The following FAM227B variants were observed in gnomAD, a reference collection of about 807,000 sequenced individuals.
FAM227B encodes protein FAM227B.
FAM227B carries 88 observed loss-of-function variants against 73.8 expected under a neutral mutation model. The observed-to-expected ratio is 1.19, with a 90% CI of 1.00 to 1.42. FAM227B has a LOEUF of 1.42. Ranked by LOEUF, FAM227B falls within the 40% of genes most tolerant of loss-of-function variation. FAM227B has a pLI of 0.00. For synonymous variants in FAM227B, 210 were observed against 190.5 expected (o/e 1.10, Z -0.84); for missense variants, 632 against 590.9 (o/e 1.07, Z -0.72).
Position 49,328,454 on chromosome 15 carries a change from C to A in FAM227B, c.*114G>T, listed in dbSNP as rs1481158923. The A allele has an allele frequency of 6.8e-7, 1 of 1,470,532 alleles. No individual in the cohort carries two copies. The highest frequency in any genetic ancestry group is 9.0e-7 in the Non-Finnish European group (1 of 1,111,106). The allele number at this position is 1,470,532 out of a possible 1,614,324, so 91.1% of individuals were successfully genotyped here. On this transcript the variant is annotated 3_prime_UTR_variant, in exon 16 of 16. Transcript: ENST00000299338. ...GATTTTAAAGATGAATGGTAAAACA[C>A]ACTCTTAATACTGATTACATGGATT...
At chr15:49,451,771 G>A (rs1307405491) in intron 11 of FAM227B, among the ~76,000 whole-genome samples, 1 of 152,066 alleles carries the variant, frequency 6.6e-6, no homozygotes, top group Non-Finnish European at 1.5e-5. Flanking sequence ...AGAATCACTT[G>A]TTAAGTAAGT....
chr15:49,531,324 T>G (rs1157243547), intron 10 of FAM227B, among the ~76,000 whole-genome samples: 1 of 151,858 alleles, frequency 6.6e-6, no homozygotes, highest in Non-Finnish European at 1.5e-5. Context: ...ATTTGTGTAA[T>G]GTACTGGATG....
intron 11 of FAM227B, among the ~76,000 whole-genome samples, chr15:49,491,491 C>T (rs1190248312): frequency 6.6e-6 from 1 of 151,816 alleles, no homozygotes; most frequent in Non-Finnish European, 1.5e-5. Flanking sequence ...ATGATTTACA[C>T]AAGTTGCAAA....
intron 11 of FAM227B, among the ~76,000 whole-genome samples, chr15:49,378,140 G>A (rs897475359): frequency 6.6e-6 from 1 of 152,008 alleles, no homozygotes; most frequent in East Asian, 1.9e-4. Flanking sequence ...GTATGTTCTT[G>A]GCACTTTTGT....
At chr15:49,577,776 AT>A (rs1231311975) in intron 5 of FAM227B, 112 bp from the exon 6 acceptor site, 14 of 593,514 alleles carry the variant, frequency 2.4e-5, no homozygotes, top group Non-Finnish European at 8.7e-6. Flanking sequence ...ATATGTATAT[AT>A]ATCCTACAGA....
intron 11 of FAM227B, among the ~76,000 whole-genome samples, chr15:49,419,217 G>A (rs1033327033): frequency 1.3e-5 from 2 of 152,174 alleles, no homozygotes; most frequent in African/African-American, 2.4e-5. Context: ...GCTATGTGCG[G>A]TGGTGCTGTG....
chr15:49,576,804 C>G lies in FAM227B; in HGVS notation c.483G>C (p.Gln161His). The G allele has an allele frequency of 6.2e-7, 1 of 1,613,156 alleles. No individual in the cohort carries two copies. ...FTGFKANELT[Q>H]LPRHLDAEQI... Reference sequence around the variant, plus strand: ...GTTCAGCATCCAAATGTCTGGGTAGCTGAGTAAGTTCATTTGCTTTGAATC... The same window carrying G: ...GTTCAGCATCCAAATGTCTGGGTAGGTGAGTAAGTTCATTTGCTTTGAATC... The change falls in exon 7 of 16, where the codon CAG becomes CAC. Residue 161 changes from glutamine (Q) to histidine (H), a missense_variant. Transcript: ENST00000299338.
chr15:49,573,863 C>G (rs2075280116), intron 8 of FAM227B, among the ~76,000 whole-genome samples: 1 of 152,106 alleles, frequency 6.6e-6, no homozygotes, highest in Non-Finnish European at 1.5e-5. Context: ...ACCAACTATT[C>G]AAAGAAGGGG....
chr15:49,544,858 T>C (rs980204926), intron 9 of FAM227B, among the ~76,000 whole-genome samples: 1 of 152,220 alleles, frequency 6.6e-6, no homozygotes, highest in African/African-American at 2.4e-5. Flanking sequence ...TGAAACATAC[T>C]TGATCGTGGT....
At chr15:49,592,622 C>T (rs934873795) in intron 3 of FAM227B, among the ~76,000 whole-genome samples, 1 of 152,194 alleles carries the variant, frequency 6.6e-6, no homozygotes, top group African/African-American at 2.4e-5. Context: ...GAGGTGTCTC[C>T]CAGTTAGGCT....
At chr15:49,525,375 T>C (rs549564842) in intron 10 of FAM227B, among the ~76,000 whole-genome samples, 230 of 152,194 alleles carry the variant, frequency 1.5e-3, no homozygotes, top group African/African-American at 5.3e-3. Context: ...TCTGCCATGA[T>C]TGTGAGGCCT....
At chr15:49,599,982 T>C (rs1398659010) in intron 3 of FAM227B, among the ~76,000 whole-genome samples, 4 of 148,736 alleles carry the variant, frequency 2.7e-5, no homozygotes, top group Admixed American at 2.7e-4. Flanking sequence ...CTCCATATGA[T>C]CTATCCATTT....
At chr15:49,437,313 A>G (rs2051195736) in intron 11 of FAM227B, among the ~76,000 whole-genome samples, 1 of 151,692 alleles carries the variant, frequency 6.6e-6, no homozygotes, top group Non-Finnish European at 1.5e-5. Flanking sequence ...TAAAAGAAAC[A>G]GCAGAGAGTT....
intron 3 of FAM227B, among the ~76,000 whole-genome samples, chr15:49,592,649 T>A (rs914607472): frequency 8.5e-5 from 13 of 152,332 alleles, no homozygotes; most frequent in Admixed American, 8.5e-4. Context: ...TGGTCAGGGA[T>A]CCACTTGAGG....
At chr15:49,534,618 C>G (rs1001843462) in intron 10 of FAM227B, among the ~76,000 whole-genome samples, 1 of 151,810 alleles carries the variant, frequency 6.6e-6, no homozygotes, top group Admixed American at 6.6e-5. Flanking sequence ...CAGACATATA[C>G]AGACTATTCC....
At chr15:49,519,764 A>G (rs926487515) in intron 10 of FAM227B, among the ~76,000 whole-genome samples, 7 of 152,156 alleles carry the variant, frequency 4.6e-5, no homozygotes, top group Non-Finnish European at 8.8e-5. Flanking sequence ...GACCTCTGAC[A>G]TGCCCTGGAG....
At chr15:49,547,681 A>G (rs1239713206) in intron 9 of FAM227B, among the ~76,000 whole-genome samples, 1 of 152,240 alleles carries the variant, frequency 6.6e-6, no homozygotes. Context: ...CTATTCTTGT[A>G]TCAGACAAAA....
intron 10 of FAM227B, among the ~76,000 whole-genome samples, chr15:49,511,908 T>C (rs1597752830): frequency 6.6e-6 from 1 of 152,304 alleles, no homozygotes; most frequent in African/African-American, 2.4e-5. Context: ...AGTACTGCAA[T>C]GAACACACAT....
intron 3 of FAM227B, among the ~76,000 whole-genome samples, chr15:49,594,492 T>G (rs1225879922): frequency 6.6e-6 from 1 of 152,196 alleles, no homozygotes; most frequent in African/African-American, 2.4e-5. Context: ...GGTCATGAAG[T>G]CTTTGCCTCT....
Sources: gnomAD v4.1 joint callset for allele counts (sites outside exome capture counted in the v4.1 genomes callset) on GRCh38, gnomAD v4.1.1 for gene constraint, MANE v1.5 for transcripts, NCBI Gene and HGNC (gene_info 2026-07-23, HGNC 2026-07-21) for gene names.